NEB: variants seen among roughly 807,000 people sequenced by gnomAD.
NEB encodes the protein nebulin, also known as nemaline myopathy type 2.
Under a neutral mutation model 952.2 loss-of-function variants are expected in NEB, and 512 were observed. The observed-to-expected ratio is 0.54, with a 90% confidence interval of 0.50 to 0.58. NEB has a LOEUF of 0.58. NEB is among the 20% of genes least tolerant of loss of function. The probability of loss-of-function intolerance (pLI) is 0.00; values close to 1 mark genes in which losing one functional copy is unlikely to be tolerated. For synonymous variants in NEB, 2,900 were observed against 3,149.8 expected, an observed-to-expected ratio of 0.92 and a Z score of 2.66; for missense variants, 8,428 against 9,231.1, an observed-to-expected ratio of 0.91 and a Z score of 3.56.
chr2:151,633,717 C>A lies in NEB; in HGVS notation c.9351G>T (p.Trp3117Cys), dbSNP rs750186471. The A allele has an allele frequency of 1.9e-6, 3 of 1,613,970 alleles. No individual in the cohort carries two copies. The Admixed American group carries it at 5.0e-5, about 27-fold the overall frequency. The change falls in exon 65 of 182, where the codon TGG becomes TGT. Residue 3117 changes from tryptophan to cysteine, a missense_variant. By Grantham distance (215) the Trp-to-Cys change is radical. Around this residue, in one of 11 missense-constraint regions of NEB, gnomAD observed 1,772 missense variants for 1,960.3 expected, o/e 0.90. Transcript: ENST00000397345. ...DVDYKNYLHEWTCLPDQSDVI... is the reference protein window; with the variant it reads ...DVDYKNYLHECTCLPDQSDVI... Reference sequence around the variant, plus strand: ...CATCGCTCTGGTCAGGCAGGCATGTCCACTCGTGCAGGTAGTTCTTATAGT... The same window carrying A: ...CATCGCTCTGGTCAGGCAGGCATGTACACTCGTGCAGGTAGTTCTTATAGT...
intron 3 of NEB, 66 bp from the exon 4 acceptor site, chr2:151,729,722 G>C: frequency 6.6e-7 from 1 of 1,524,472 alleles, no homozygotes; most frequent in South Asian, 1.1e-5. Context: ...CTCTGCCTCA[G>C]CTGAACCACT....
In NEB at chr2:151,672,649, T is replaced by G; in HGVS notation, c.4019A>C (p.Lys1340Thr). The G allele has an allele frequency of 6.2e-7, 1 of 1,613,770 alleles. No homozygotes were observed. The highest frequency in any genetic ancestry group is 1.1e-5 in the South Asian group (1 of 91,066). The change falls in exon 37 of 182, where the codon AAG becomes ACG. Residue 1340 changes from lysine to threonine, a missense_variant. Physicochemically the swap from Lys to Thr is moderately conservative, Grantham distance 78 (BLOSUM62 -1). Around this residue, in one of 11 missense-constraint regions of NEB, gnomAD observed 2,851 missense variants for 2,791.5 expected, o/e 1.02. Transcript: ENST00000397345. Reference sequence around the variant, plus strand: ...GCTTCTGAAACCCACATGCTTTCCCTTTGACTTCTCATAAGCTTCCTTGTA... The same window carrying G: ...GCTTCTGAAACCCACATGCTTTCCCGTTGACTTCTCATAAGCTTCCTTGTA... The part of the protein sequence containing the change: ...YKYKEAYEKS[K>T]GKHVGFRSLQ...
At chr2:151,488,688 T>C (rs2053415762) in intron 181 of NEB, among the ~76,000 whole-genome samples, 1 of 152,122 alleles carries the variant, frequency 6.6e-6, no homozygotes, top group Non-Finnish European at 1.5e-5. Flanking sequence ...TTTGTACTTC[T>C]ACAATTTTGT....
At chr2:151,666,688 A>G (rs1169334533) in intron 40 of NEB, among the ~76,000 whole-genome samples, 2 of 152,062 alleles carry the variant, frequency 1.3e-5, no homozygotes, top group Non-Finnish European at 2.9e-5. Context: ...TGGCTTATGA[A>G]GCATTTGATG....
rs377076154 is a variant in NEB, at chr2:151,567,209, C to G, written c.18115G>C (p.Asp6039His). 22 of 1,612,258 alleles carry G rather than the reference C, an allele frequency of 1.4e-5. No homozygotes were observed. Among genetic ancestry groups the G allele is most frequent in the Non-Finnish European group, 1.8e-5 (21 of 1,178,738 alleles). The part of the protein sequence containing the change: ...HQWMCHPDQN[D>H]VIQARKAYDL... ...TAGGCCTTTCTTGCCTGAATAACAT[C>G]GTTCTGGTCAGGATGACACATCCAT... Residue 6039 changes from aspartate to histidine, a missense_variant, in exon 114 of 182, where the codon GAT becomes CAT. Transcript: ENST00000397345.
rs576039712 is a variant in NEB at position 151,690,863 on chromosome 2, A to G, written c.2212-38T>C. 63 of 1,411,378 alleles carry G rather than the reference A, an allele frequency of 4.5e-5. 2 individuals carry two copies. In the South Asian group the frequency reaches 7.3e-4, roughly 16 times the overall value. The allele number at this position is 1,411,378 out of a possible 1,614,324, so 87.4% of individuals were successfully genotyped here. Reference sequence around the variant, plus strand: ...ATGTTCTTTAATGAAATATCAGTATATTCTTGGTTATACATGCGCTAACAT... The same window carrying G: ...ATGTTCTTTAATGAAATATCAGTATGTTCTTGGTTATACATGCGCTAACAT... On this transcript the variant is annotated intron_variant, in intron 23 of 181. Transcript: ENST00000397345.
chr2:151,696,662 T>C lies in NEB; in HGVS notation c.1544A>G (p.Gln515Arg), dbSNP rs368150737. ...VTDSPVLLQA[Q>R]VNSKQLSDLN... ...GTCACTCAGTTGTTTGGAATTGACT[T>C]GGGCTTGTAGCAGAACAGGAGAGTC... Residue 515 changes from glutamine (Q) to arginine (R), a missense_variant, in exon 17 of 182, where the codon CAA (glutamine) becomes CGA (arginine). Coordinates refer to ENST00000397345, the MANE Select transcript of NEB (RefSeq NM_001164508.2). 6.4e-5 allele frequency: 104 copies of C among 1,613,636 alleles called. No homozygotes were observed. Among genetic ancestry groups the C allele is most frequent in the Non-Finnish European group, 8.1e-5 (96 of 1,179,706 alleles).
intron 32 of NEB, among the ~76,000 whole-genome samples, 172 bp downstream of exon 32, chr2:151,679,549 T>C (rs1259814192): frequency 1.3e-5 from 2 of 152,188 alleles, no homozygotes; most frequent in African/African-American, 2.4e-5. Context: ...ACAAATCTTT[T>C]CCCTCCAGAA....
chr2:151,696,777 T>A, intron 16 of NEB, 42 bp from the exon 17 acceptor site: 1 of 1,504,402 alleles, frequency 6.6e-7, no homozygotes, highest in South Asian at 1.1e-5. Context: ...GTATCACCTG[T>A]CAGATCCAAG....
intron 4 of NEB, among the ~76,000 whole-genome samples, chr2:151,728,369 G>A (rs114556700): frequency 2.0e-3 from 306 of 152,226 alleles, no homozygotes; most frequent in Non-Finnish European, 3.8e-3. Context: ...AGGGAAAATT[G>A]GTCGTTTGTT....
intron 144 of NEB, 133 bp from the exon 145 acceptor site, chr2:151,531,234 C>T: frequency 3.1e-6 from 2 of 649,218 alleles, no homozygotes; most frequent in Non-Finnish European, 5.5e-6. Context: ...TGCTTTCATG[C>T]TCTCTGCTAA....
chr2:151,650,494 T>C lies in NEB; in HGVS notation c.7227+80A>G. On this transcript the variant is annotated intron_variant, in intron 53 of 181. Transcript: ENST00000397345. ...TAGATTTTCAATAATAATTCCTAAT[T>C]TCTGCTTCTCTTTGACTAAATAGCT... The C allele has an allele frequency of 2.0e-6, 3 of 1,488,812 alleles. No homozygotes were observed. The East Asian group carries it at 7.0e-5, about 35-fold the overall frequency. The allele number at this position is 1,488,812 out of a possible 1,614,324, so 92.2% of individuals were successfully genotyped here. A position where few individuals can be genotyped will look rare whatever the true frequency, so the allele number is the denominator to read the frequency against.
chr2:151,611,475 CTG>C (rs1249881868), intron 78 of NEB, among the ~76,000 whole-genome samples: 1 of 152,170 alleles, frequency 6.6e-6, no homozygotes, highest in Non-Finnish European at 1.5e-5. Flanking sequence ...ACCCCAGACT[CTG>C]GAGTTTGCTA....
chr2:151,549,609 C>T, intron 130 of NEB, 27 bp downstream of exon 130: 1 of 1,444,468 alleles, frequency 6.9e-7, no homozygotes, highest in African/African-American at 1.4e-5. Context: ...CCTTCAGACC[C>T]ATCTCAATGA....
intron 48 of NEB, among the ~76,000 whole-genome samples, chr2:151,657,208 A>G (rs897658162): frequency 2.6e-5 from 4 of 152,156 alleles, no homozygotes; most frequent in African/African-American, 9.7e-5. Context: ...TCAGGATAAT[A>G]AGAGAGAATG....
chr2:151,610,676 A>G (rs2097916089), intron 79 of NEB, 53 bp from the exon 80 acceptor site: 1 of 1,573,652 alleles, frequency 6.4e-7, no homozygotes, highest in Non-Finnish European at 8.7e-7. Flanking sequence ...GGAAGGTAAT[A>G]GGCCAATTCC....
Position 151,568,598 on chromosome 2 carries a change from T to C in NEB, c.17634+20A>G, listed in dbSNP as rs770102033. ...TGATATCTGCATCACTGTGAGATTTTAAAACAGCCATATACTTACATCATC... is the reference window on the plus strand; with the variant it reads ...TGATATCTGCATCACTGTGAGATTTCAAAACAGCCATATACTTACATCATC... On this transcript the variant is annotated intron_variant, in intron 111 of 181. Coordinates refer to ENST00000397345, the MANE Select transcript of NEB (RefSeq NM_001164508.2). The C allele has an allele frequency of 6.3e-7, 1 of 1,576,148 alleles. No homozygotes were observed. Among genetic ancestry groups the C allele is most frequent in the Non-Finnish European group, 8.7e-7 (1 of 1,152,882 alleles).
At chr2:151,524,907 C>A (rs1378293897) in intron 151 of NEB, among the ~76,000 whole-genome samples, 1 of 152,042 alleles carries the variant, frequency 6.6e-6, no homozygotes, top group African/African-American at 2.4e-5. Flanking sequence ...ACCTCGTGAT[C>A]TGCCTGTCTT....
rs1417328497 is a variant in NEB at position 151,605,793 on chromosome 2, ATTCTATTTTTAT to A, written c.12747+801_12747+812del. Among the ~76,000 whole-genome samples, 4 of 96,662 alleles carry A rather than the reference ATTCTATTTTTAT, an allele frequency of 4.1e-5. 1 individual carries two copies. The allele number at this position is 96,662 out of a possible 152,430, so 63.4% of individuals were successfully genotyped here. On this transcript the variant is annotated intron_variant, in intron 84 of 181. Transcript: ENST00000397345. ...GCAGGGTGCACCTGGTAGCATAATT[ATTCTATTTTTAT>A]TTTTATTTTTTTTGAAACGCAGTTT...
Sources: gnomAD v4.1 joint callset for allele counts (sites outside exome capture counted in the v4.1 genomes callset) on GRCh38, gnomAD v4.1.1 for gene constraint, gnomAD v4.1.1 regional missense constraint, MANE v1.5 for transcripts, NCBI Gene and HGNC (gene_info 2026-07-23, HGNC 2026-07-21) for gene names.